LRRC7: variants seen among roughly 807,000 people sequenced by gnomAD.
The protein encoded by LRRC7 is leucine rich repeat containing 7.
LRRC7 carries 23 observed loss-of-function variants against 175.7 expected under a neutral mutation model. The ratio of observed to expected loss-of-function variants is 0.13; its 90% confidence interval spans 0.09 to 0.19. LRRC7 has a LOEUF of 0.19. Ranked by LOEUF, LRRC7 falls within the 10% of genes least tolerant of loss-of-function variation. The probability of loss-of-function intolerance (pLI) is 1.00; values close to 1 mark genes in which losing one functional copy is unlikely to be tolerated. For synonymous variants in LRRC7, 685 were observed against 680.9 expected (o/e 1.01, Z -0.09); for missense variants, 1,354 against 1,904.7 (o/e 0.71, Z 5.38).
intron 7 of LRRC7, among the ~76,000 whole-genome samples, chr1:69,896,563 G>A (rs1269488858): frequency 6.6e-6 from 1 of 152,152 alleles, no homozygotes; most frequent in Non-Finnish European, 1.5e-5. Context: ...TGAAATGGTT[G>A]TGGCTAGATC....
chr1:69,865,036 A>G (rs1684759186), intron 7 of LRRC7, among the ~76,000 whole-genome samples: 1 of 152,180 alleles, frequency 6.6e-6, no homozygotes, highest in African/African-American at 2.4e-5. Flanking sequence ...GCCTTTAGGG[A>G]CAGAATGAGT....
intron 7 of LRRC7, among the ~76,000 whole-genome samples, chr1:69,876,499 A>G (rs1019046077): frequency 6.6e-6 from 1 of 152,188 alleles, no homozygotes; most frequent in African/African-American, 2.4e-5. Context: ...TAGAGTAAAA[A>G]TAATAATTCC....
chr1:69,893,128 G>A lies in LRRC7; in HGVS notation c.648-38379G>A, dbSNP rs114466919. ...GATTAACCATTCAGTCCTCACAATG[G>A]GAGATTGAAGAAATAATCAATGGGT... On this transcript the variant is annotated intron_variant, in intron 7 of 26. Transcript: ENST00000651989. Among the ~76,000 whole-genome samples the A allele has an allele frequency of 3.1e-3, 466 of 152,192 alleles. 3 individuals carry two copies. Among genetic ancestry groups the A allele is most frequent in the African/African-American group, 0.01 (418 of 41,528 alleles).
At chr1:69,833,963 A>G (rs189609203) in intron 5 of LRRC7, among the ~76,000 whole-genome samples, 6 of 152,218 alleles carry the variant, frequency 3.9e-5, no homozygotes, top group Admixed American at 1.3e-4. Flanking sequence ...AAAATAACAT[A>G]ATCTGGACTA....
chr1:69,964,220 G>A (rs1337230681), intron 8 of LRRC7, among the ~76,000 whole-genome samples: 1 of 152,148 alleles, frequency 6.6e-6, no homozygotes, highest in Admixed American at 6.5e-5. Flanking sequence ...TGTCCATTGA[G>A]CATTGAGCAC....
At chr1:69,958,860 C>T (rs1381447680) in intron 8 of LRRC7, among the ~76,000 whole-genome samples, 1 of 152,092 alleles carries the variant, frequency 6.6e-6, no homozygotes, top group Admixed American at 6.6e-5. Context: ...ATACAGCAGT[C>T]TTAACCAATT....
chr1:69,569,420 G>C (rs1013739969), intron 1 of LRRC7, among the ~76,000 whole-genome samples: 1 of 152,138 alleles, frequency 6.6e-6, no homozygotes, highest in Middle Eastern at 3.4e-3. Flanking sequence ...TGAGGATCTT[G>C]CGTCCTCCTC....
intron 8 of LRRC7, among the ~76,000 whole-genome samples, chr1:69,978,026 G>A (rs747716519): frequency 2.0e-5 from 3 of 151,656 alleles, no homozygotes; most frequent in Admixed American, 6.6e-5. Context: ...ATAATGCATA[G>A]GAAAAAAACA....
intron 3 of LRRC7, among the ~76,000 whole-genome samples, chr1:69,778,941 CATAT>C (rs1236367911): frequency 6.7e-4 from 96 of 143,296 alleles, no homozygotes; most frequent in Admixed American, 6.3e-3. Context: ...TATATATACA[CATAT>C]ATACACACAC....
At chr1:69,790,588 T>C (rs1674991089) in intron 3 of LRRC7, among the ~76,000 whole-genome samples, 2 of 151,960 alleles carry the variant, frequency 1.3e-5, no homozygotes. Flanking sequence ...CAATTGCTTT[T>C]TTTAAGTCTA....
intron 23 of LRRC7, among the ~76,000 whole-genome samples, chr1:70,075,581 A>C (rs186012424): frequency 3.9e-4 from 60 of 152,314 alleles, no homozygotes; most frequent in African/African-American, 1.3e-3. Context: ...AGAGATTTCA[A>C]AGGCTGTATT....
intron 1 of LRRC7, among the ~76,000 whole-genome samples, chr1:69,604,443 G>T (rs1486055071): frequency 6.6e-6 from 1 of 152,128 alleles, no homozygotes; most frequent in Non-Finnish European, 1.5e-5. Flanking sequence ...TCTCTTGATT[G>T]GTGAGAGGCA....
chr1:69,665,691 G>T (rs1658159359), intron 1 of LRRC7, among the ~76,000 whole-genome samples: 2 of 151,716 alleles, frequency 1.3e-5, no homozygotes, highest in South Asian at 2.1e-4. Flanking sequence ...CAACTTTACT[G>T]AATTTGTTTA....
intron 26 of LRRC7, among the ~76,000 whole-genome samples, chr1:70,112,018 A>C (rs960048864): frequency 6.6e-6 from 1 of 152,212 alleles, no homozygotes; most frequent in Non-Finnish European, 1.5e-5. Context: ...TGGAATTTGC[A>C]ATCCAAACAT....
chr1:69,650,544 A>AAAAAAAAAAAAAAAAAAAAAAAC (rs1655674504), intron 1 of LRRC7, among the ~76,000 whole-genome samples: 1 of 150,866 alleles, frequency 6.6e-6, no homozygotes, highest in Non-Finnish European at 1.5e-5. Flanking sequence ...CGTCTCAAAA[A>AAAAAAAAAAAAAAAAAAAAAAAC]AAAAAAAAAA....
chr1:69,743,816 AACTT>A (rs1199926411), intron 2 of LRRC7, among the ~76,000 whole-genome samples: 1 of 151,906 alleles, frequency 6.6e-6, no homozygotes, highest in African/African-American at 2.4e-5. Context: ...CAGAGGGAAA[AACTT>A]ACTGAGGAAA....
intron 11 of LRRC7, among the ~76,000 whole-genome samples, chr1:70,009,537 T>TGATA (rs1039840298): frequency 1.3e-5 from 2 of 152,076 alleles, no homozygotes; most frequent in African/African-American, 4.8e-5. Context: ...ACCGGTTTAC[T>TGATA]GATAATAAGA....
chr1:70,121,698 TC>T lies in LRRC7; in HGVS notation c.4621-79del, dbSNP rs548218340. 3.5e-4 allele frequency: 306 copies of T among 871,550 alleles called. 3 individuals are homozygous for T. In the African/African-American group the frequency reaches 3.6e-3, roughly 10 times the overall value. The allele number at this position is 871,550 out of a possible 1,614,324, so 54.0% of individuals were successfully genotyped here. ...CTGACAACTTTTTGTTGCTCAGTGC[TC>T]CCGTGAATTTTATGAATAGAAACAA... On this transcript the variant is annotated intron_variant, in intron 26 of 26. Transcript: ENST00000651989.
At chr1:69,919,475 A>G in intron 7 of LRRC7, 1 of 987,060 alleles carries the variant, frequency 1.0e-6, no homozygotes, top group Non-Finnish European at 1.6e-6. Flanking sequence ...CCCAGCGGGA[A>G]CAGCAGCAGT....
Sources: gnomAD v4.1 joint callset for allele counts (sites outside exome capture counted in the v4.1 genomes callset) on GRCh38, gnomAD v4.1.1 for gene constraint, MANE v1.5 for transcripts, NCBI Gene and HGNC (gene_info 2026-07-23, HGNC 2026-07-21) for gene names.